The following MOSMO variants were observed in gnomAD, a reference collection of about 807,000 sequenced individuals.
MOSMO encodes the protein modulator of smoothened, also known as modulator of smoothened protein.
In MOSMO, 5 loss-of-function variants were observed where a neutral mutation model predicts 18.4. The observed-to-expected ratio is 0.27, with a 90% CI of 0.14 to 0.57. The LOEUF is 0.57. Among genes scored for constraint, MOSMO ranks in the 20% least tolerant of loss-of-function variants. The pLI is 0.92. For synonymous variants in MOSMO, 82 were observed against 82.3 expected (o/e 1.00, Z 0.02); for missense variants, 138 against 211.8 (o/e 0.65, Z 2.16).
chr16:22,016,127 A>G (rs118190705), intron 1 of MOSMO, among the ~76,000 whole-genome samples: 7,508 of 152,256 alleles, frequency 0.049, 264 homozygotes, highest in Non-Finnish European at 0.073. Context: ...GTTGCAGTAT[A>G]GTAAAATGGT....
chr16:22,054,603 G>A (rs1900497038), intron 1 of MOSMO, among the ~76,000 whole-genome samples: 1 of 151,972 alleles, frequency 6.6e-6, no homozygotes, highest in Non-Finnish European at 1.5e-5. Flanking sequence ...ATCTTTTTGA[G>A]GAAAAATAAC....
rs1899897883 is a variant in MOSMO at position 22,027,430 on chromosome 16, ACC to A, written c.106+19024_106+19025del. ...GGAATTAGACTTGGTTCATGTTCTAACCAACTCCTTCTAGCTGGTACCTTGTC... is the reference window on the plus strand; with the variant it reads ...GGAATTAGACTTGGTTCATGTTCTAAAACTCCTTCTAGCTGGTACCTTGTC... On this transcript the variant is annotated intron_variant, in intron 1 of 2. Coordinates refer to ENST00000542527, the MANE Select transcript of MOSMO (RefSeq NM_001164579.2). Among the ~76,000 whole-genome samples the A allele has an allele frequency of 3.3e-5, 5 of 152,312 alleles. No individual in the cohort carries two copies. The South Asian group carries it at 1.0e-3, about 32-fold the overall frequency.
chr16:22,053,919 G>T (rs563600546), intron 1 of MOSMO, among the ~76,000 whole-genome samples: 2 of 152,210 alleles, frequency 1.3e-5, no homozygotes, highest in African/African-American at 4.8e-5. Flanking sequence ...TTGAATTTTT[G>T]TAGCAAATGT....
In MOSMO at chr16:22,083,012, A is replaced by G. The variant is rs925494746; in HGVS notation, c.*2132A>G. 1 of 152,248 alleles carries G rather than the reference A, an allele frequency of 6.6e-6. No individual in the cohort carries two copies. The highest frequency in any genetic ancestry group is 1.5e-5 in the Non-Finnish European group (1 of 68,054). The allele number at this position is 152,248 out of a possible 1,614,324, so 9.4% of individuals were successfully genotyped here. On this transcript the variant is annotated 3_prime_UTR_variant, in exon 3 of 3. Transcript: ENST00000542527. ...TCTGATTTGATTGGTCCTCAGTCAA[A>G]TGGATCACTTTGAAGGAAAGCTTTG...
intron 1 of MOSMO, among the ~76,000 whole-genome samples, chr16:22,038,738 C>CA (rs976154075): frequency 3.9e-5 from 6 of 152,148 alleles, no homozygotes; most frequent in African/African-American, 1.2e-4. Context: ...GCTAAAAAAA[C>CA]AGATTTCTGG....
chr16:22,052,576 A>G (rs1278698307), intron 1 of MOSMO, among the ~76,000 whole-genome samples: 1 of 152,218 alleles, frequency 6.6e-6, no homozygotes, highest in African/African-American at 2.4e-5. Flanking sequence ...TGCCATTTAT[A>G]AGAAAACAAA....
chr16:22,070,867 C>T (rs762969597), intron 1 of MOSMO, among the ~76,000 whole-genome samples: 7 of 152,082 alleles, frequency 4.6e-5, no homozygotes, highest in Non-Finnish European at 1.0e-4. Context: ...CTGACTTACC[C>T]AGGGAGGTGC....
At chr16:22,035,196 G>A (rs1900083420) in intron 1 of MOSMO, among the ~76,000 whole-genome samples, 1 of 152,060 alleles carries the variant, frequency 6.6e-6, no homozygotes, top group Admixed American at 6.6e-5. Flanking sequence ...CCTGTGCCCT[G>A]GGCTGTGATC....
chr16:22,014,690 T>G (rs1431768229), intron 1 of MOSMO, among the ~76,000 whole-genome samples: 1 of 152,202 alleles, frequency 6.6e-6, no homozygotes, highest in Non-Finnish European at 1.5e-5. Context: ...CCTGGAACTG[T>G]AACAACTTCA....
downstream of MOSMO, chr16:22,092,505 C>A (rs1446554649): frequency 8.8e-7 from 1 of 1,142,154 alleles, no homozygotes; most frequent in East Asian, 2.8e-5. Context: ...CCTTGGAGAC[C>A]AGCTAACACA....
At chr16:22,071,765 C>T (rs1277737364) in intron 1 of MOSMO, among the ~76,000 whole-genome samples, 3 of 152,104 alleles carry the variant, frequency 2.0e-5, no homozygotes, top group African/African-American at 7.2e-5. Context: ...CTGCAGGGTA[C>T]AGATGGATTG....
Position 22,081,620 on chromosome 16 carries a change from ATGTGTGTG to A in MOSMO, c.*754_*761del, listed in dbSNP as rs151169343. The A allele has an allele frequency of 1.4e-5, 2 of 147,234 alleles. No homozygotes were observed. The highest frequency in any genetic ancestry group is 5.0e-5 in the African/African-American group (2 of 40,228). 9.1% of individuals were successfully genotyped at this position (147,234 alleles called of 1,614,324 possible). ...CTGATGCAGTATACAGTGTGTATAT[ATGTGTGTG>A]TGTGTGTGTGTGTATGTGTGTGTAA... On this transcript the variant is annotated 3_prime_UTR_variant, in exon 3 of 3. Transcript: ENST00000542527.
chr16:22,092,300 C>G, downstream of MOSMO: 1 of 269,574 alleles, frequency 3.7e-6, no homozygotes, highest in Non-Finnish European at 7.3e-6. Context: ...CTGGCCTAAA[C>G]CATAGTTCTG....
chr16:22,053,323 G>A (rs1219683947), intron 1 of MOSMO, among the ~76,000 whole-genome samples: 2 of 151,728 alleles, frequency 1.3e-5, no homozygotes, highest in African/African-American at 4.8e-5. Flanking sequence ...TGATAGTTTT[G>A]TTTAACCTTA....
chr16:22,048,411 A>G (rs530566873), intron 1 of MOSMO, among the ~76,000 whole-genome samples: 16 of 152,282 alleles, frequency 1.1e-4, no homozygotes, highest in African/African-American at 3.6e-4. Context: ...TTTTCTTCCA[A>G]CCCTCTCAAC....
chr16:22,090,651 C>T (rs1901288894), downstream of MOSMO, among the ~76,000 whole-genome samples: 1 of 152,190 alleles, frequency 6.6e-6, no homozygotes, highest in Non-Finnish European at 1.5e-5. Context: ...CTGGATGGGA[C>T]CACGCTAGAG....
Position 22,084,342 on chromosome 16 carries a change from CAGTA to C in MOSMO, c.*3465_*3468del, listed in dbSNP as rs920631999. ...TTAAATTTACATTCACAATTCAAAA[CAGTA>C]AGCTGTCTTTCAGAAAATTTTTGAA... On this transcript the variant is annotated 3_prime_UTR_variant, in exon 3 of 3. Transcript: ENST00000542527. The C allele has an allele frequency of 6.6e-6, 1 of 152,074 alleles. No individual in the cohort carries two copies. Among genetic ancestry groups the C allele is most frequent in the African/African-American group, 2.4e-5 (1 of 41,398 alleles). The allele number at this position is 152,074 out of a possible 1,614,324, so 9.4% of individuals were successfully genotyped here.
At chr16:22,072,053 A>G (rs1173395846) in intron 1 of MOSMO, among the ~76,000 whole-genome samples, 7 of 152,168 alleles carry the variant, frequency 4.6e-5, no homozygotes, top group Non-Finnish European at 7.3e-5. Context: ...TGAAAAGCTC[A>G]TGTCCTGTTT....
At position 22,060,091 on chromosome 16, in the gene MOSMO, C is replaced by T. The variant is rs145956301; in HGVS notation, c.107-15396C>T. Reference sequence around the variant, plus strand: ...ACTCAGGAGGCTGAGACAGTAGGATCGCTTGATCCCAGGAGGCTGGGGTTG... The same window carrying T: ...ACTCAGGAGGCTGAGACAGTAGGATTGCTTGATCCCAGGAGGCTGGGGTTG... On this transcript the variant is annotated intron_variant, in intron 1 of 2. Transcript: ENST00000542527. 5.3e-4 allele frequency among the ~76,000 whole-genome samples: 81 copies of T among 152,268 alleles called. 1 individual carries two copies. Among genetic ancestry groups the T allele is most frequent in the African/African-American group, 1.7e-3 (69 of 41,540 alleles).
Sources: allele counts gnomAD v4.1 joint callset (sites outside exome capture counted in the v4.1 genomes callset), GRCh38; gene constraint gnomAD v4.1.1; transcripts MANE v1.5; gene names NCBI Gene and HGNC (gene_info 2026-07-23, HGNC 2026-07-21).